SYTL5: variants seen among roughly 807,000 people sequenced by gnomAD.
SYTL5 encodes synaptotagmin like 5.
In SYTL5, 34 loss-of-function variants were observed where a neutral mutation model predicts 55.9. That is an observed-to-expected ratio of 0.61 (90% CI 0.46 to 0.81). SYTL5 has a LOEUF of 0.81. Ranked by LOEUF, SYTL5 falls within the 30% of genes least tolerant of loss-of-function variation. The pLI is 0.00. For synonymous variants in SYTL5, 221 were observed against 188.7 expected (o/e 1.17, Z -1.40); for missense variants, 637 against 546.7 (o/e 1.17, Z -1.65).
the SYTL5 span, among the ~76,000 whole-genome samples, chrX:37,960,270 G>A: frequency 3.6e-5 from 4 of 112,161 alleles, no homozygotes; most frequent in African/African-American, 1.3e-4. Context: ...GGTTTCCTGT[G>A]CTGAAAATGC....
At chrX:37,937,793 C>T in the SYTL5 span, among the ~76,000 whole-genome samples, 1 of 112,371 alleles carries the variant, frequency 8.9e-6, no homozygotes, top group Admixed American at 9.4e-5. Flanking sequence ...CATGAGTGAG[C>T]TACACAGATG....
the SYTL5 span, among the ~76,000 whole-genome samples, chrX:37,968,746 A>T: frequency 1.8e-5 from 2 of 111,858 alleles, no homozygotes; most frequent in South Asian, 7.6e-4. Context: ...CACTAGGCTG[A>T]TCGCTTTCTC....
chrX:37,927,098 A>G, the SYTL5 span, among the ~76,000 whole-genome samples: 1 of 112,251 alleles, frequency 8.9e-6, no homozygotes, highest in South Asian at 3.7e-4. Flanking sequence ...GCATTTTTTC[A>G]CATAAATAAA....
the SYTL5 span, among the ~76,000 whole-genome samples, chrX:37,950,519 T>A: frequency 2.7e-5 from 3 of 111,481 alleles, no homozygotes; most frequent in Non-Finnish European, 5.7e-5. Flanking sequence ...TTTCCGAAGG[T>A]TTGATATATG....
chrX:38,083,333 C>T (rs1197379286), intron 6 of SYTL5, among the ~76,000 whole-genome samples: 1 of 111,910 alleles, frequency 8.9e-6, no homozygotes, highest in African/African-American at 3.3e-5. Context: ...ACTGTCTCCT[C>T]CATTTTAGAG....
At chrX:37,930,496 T>C in the SYTL5 span, among the ~76,000 whole-genome samples, 1 of 111,368 alleles carries the variant, frequency 9.0e-6, no homozygotes, top group Non-Finnish European at 1.9e-5. Flanking sequence ...GTAGTCATCA[T>C]TGGCAATGAG....
chrX:38,057,519 AT>A (rs1381567589), intron 3 of SYTL5, among the ~76,000 whole-genome samples: 1 of 111,490 alleles, frequency 9.0e-6, no homozygotes, highest in Non-Finnish European at 1.9e-5. Flanking sequence ...AAATTTTAAG[AT>A]TGTTTTTTGC....
intron 2 of SYTL5, among the ~76,000 whole-genome samples, chrX:38,041,243 C>T (rs5964288): frequency 0.23 from 26,083 of 111,539 alleles, 5,370 homozygotes; most frequent in African/African-American, 0.66. Flanking sequence ...GAAGTGATTT[C>T]AAGAATTATA....
At position 38,072,097 on chromosome X, in the gene SYTL5, G is replaced by A. The variant is rs764995643; in HGVS notation, c.380G>A (p.Arg127His). The part of the protein sequence containing the change: ...GEWFFEEKAK[R>H]FKQVNVLGTD... ...TGGTTTTTTGAAGAAAAGGCAAAAC[G>A]TTTCAAGCAAGTCAATGTTCTCGGC... Residue 127 changes from arginine to histidine, a missense_variant, in exon 4 of 17, where the codon CGT becomes CAT. Arg to His is a conservative substitution (Grantham distance 29, BLOSUM62 0). Coordinates refer to ENST00000297875, the MANE Select transcript of SYTL5 (RefSeq NM_138780.3). The A allele has an allele frequency of 1.2e-5, 14 of 1,209,063 alleles. No homozygotes were observed. The highest frequency in any genetic ancestry group is 1.8e-5 in the South Asian group (1 of 56,704).
At chrX:38,057,522 G>A (rs1386530853) in intron 3 of SYTL5, among the ~76,000 whole-genome samples, 2 of 111,273 alleles carry the variant, frequency 1.8e-5, no homozygotes, top group African/African-American at 6.5e-5. Context: ...TTTTAAGATT[G>A]TTTTTTGCAG....
intron 1 of SYTL5, among the ~76,000 whole-genome samples, chrX:38,014,743 A>C (rs1370706497): frequency 8.9e-6 from 1 of 112,044 alleles, no homozygotes; most frequent in East Asian, 2.8e-4. Flanking sequence ...ATATTTTGAT[A>C]AGCACAATTT....
intron 2 of SYTL5, among the ~76,000 whole-genome samples, chrX:38,044,897 G>T (rs765864512): frequency 8.9e-6 from 1 of 111,841 alleles, no homozygotes; most frequent in East Asian, 2.8e-4. Context: ...TGCTAATTAC[G>T]TATGAGATAA....
chrX:37,949,476 C>T, the SYTL5 span: 2 of 111,843 alleles, frequency 1.8e-5, no homozygotes, highest in African/African-American at 6.5e-5. Context: ...CTATTGCTTG[C>T]TGCCCAAAGC....
At chrX:37,998,834 G>C in the SYTL5 span, among the ~76,000 whole-genome samples, 1 of 112,152 alleles carries the variant, frequency 8.9e-6, no homozygotes, top group African/African-American at 3.2e-5. Flanking sequence ...TTTCCTTAAA[G>C]TACCTGTCTG....
the SYTL5 span, among the ~76,000 whole-genome samples, chrX:37,968,802 TG>T: frequency 8.9e-6 from 1 of 112,009 alleles, no homozygotes; most frequent in Admixed American, 9.5e-5. Flanking sequence ...AATGAGCTGT[TG>T]GTCCTGTATT....
the SYTL5 span, among the ~76,000 whole-genome samples, chrX:37,926,788 A>G: frequency 1.8e-5 from 2 of 111,841 alleles, no homozygotes; most frequent in Non-Finnish European, 3.8e-5. Context: ...TATTTCTGTC[A>G]GGGGTATCCA....
upstream of SYTL5, chrX:38,006,489 A>G (rs918242619): frequency 8.9e-6 from 1 of 111,858 alleles, no homozygotes; most frequent in African/African-American, 3.2e-5. Context: ...TGCAACAGAT[A>G]AACATTACTC....
the SYTL5 span, among the ~76,000 whole-genome samples, chrX:37,987,184 A>C: frequency 8.9e-6 from 1 of 112,084 alleles, no homozygotes. Context: ...TTACATCCTT[A>C]AAATAACATT....
chrX:37,922,795 T>TA, the SYTL5 span, among the ~76,000 whole-genome samples: 2 of 111,541 alleles, frequency 1.8e-5, no homozygotes, highest in African/African-American at 6.5e-5. Context: ...TGGGTATTTT[T>TA]ACGTGTGTCA....
Sources: allele counts gnomAD v4.1 joint callset (sites outside exome capture counted in the v4.1 genomes callset), GRCh38; gene constraint gnomAD v4.1.1; transcripts MANE v1.5; gene names NCBI Gene and HGNC (gene_info 2026-07-23, HGNC 2026-07-21).